Variants in MAPRE2 observed in about 807,000 individuals in gnomAD.
MAPRE2 encodes microtubule-associated protein RP/EB family member 2.
A neutral mutation model predicts 43.2 loss-of-function variants in MAPRE2; 13 were observed. The ratio of observed to expected loss-of-function variants is 0.30; its 90% CI spans 0.20 to 0.48. The LOEUF (loss-of-function observed/expected upper bound fraction) is 0.48. Among genes scored for constraint, MAPRE2 ranks in the 20% least tolerant of loss-of-function variants. The pLI is 0.99. For synonymous variants in MAPRE2, 135 were observed against 148.8 expected (o/e 0.91, Z 0.68); for missense variants, 161 against 400.2 (o/e 0.40, Z 5.10).
rs145266182 is a variant in MAPRE2 at position 35,107,089 on chromosome 18, C to T, written c.610+4930C>T. ...CATACATTCATGTATTTAAATCAAA[C>T]GCCCATATATAAATATAGTGTGATA... On this transcript the variant is annotated intron_variant, in intron 4 of 6. Coordinates refer to ENST00000300249, the MANE Select transcript of MAPRE2 (RefSeq NM_014268.4). Among the ~76,000 whole-genome samples the T allele has an allele frequency of 3.0e-3, 457 of 152,218 alleles. 6 individuals carry two copies. The highest frequency in any genetic ancestry group is 0.022 in the East Asian group (114 of 5,178).
At chr18:34,986,540 C>G (rs892226533) in intron 1 of MAPRE2, among the ~76,000 whole-genome samples, 2 of 152,150 alleles carry the variant, frequency 1.3e-5, no homozygotes, top group Admixed American at 6.6e-5. Flanking sequence ...AGCTTGCCCT[C>G]TATTGTGATT....
intron 2 of MAPRE2, among the ~76,000 whole-genome samples, chr18:35,077,078 A>G (rs1394603993): frequency 6.6e-6 from 1 of 152,242 alleles, no homozygotes; most frequent in East Asian, 1.9e-4. Flanking sequence ...GACTAACAAT[A>G]TATATACTGA....
intron 1 of MAPRE2, among the ~76,000 whole-genome samples, chr18:35,048,665 T>C (rs1905775656): frequency 6.7e-6 from 1 of 149,122 alleles, no homozygotes. Flanking sequence ...TTATAGTATA[T>C]GTATTAATAC....
chr18:34,982,499 G>T (rs111660975), intron 1 of MAPRE2, among the ~76,000 whole-genome samples: 5 of 152,136 alleles, frequency 3.3e-5, no homozygotes, highest in African/African-American at 1.2e-4. Flanking sequence ...TAATTCACCC[G>T]CAACCATCTT....
intron 4 of MAPRE2, among the ~76,000 whole-genome samples, chr18:35,116,927 T>C (rs1909437165): frequency 6.6e-6 from 1 of 152,250 alleles, no homozygotes; most frequent in South Asian, 2.1e-4. Context: ...TTACACTTTA[T>C]AGTAGGGAGT....
At chr18:35,031,316 T>C (rs1403170901) in intron 2 of MAPRE2, among the ~76,000 whole-genome samples, 1 of 152,240 alleles carries the variant, frequency 6.6e-6, no homozygotes, top group East Asian at 1.9e-4. Context: ...AATATTACTA[T>C]CTTAATGAAG....
chr18:34,981,499 G>A (rs2097016190), intron 1 of MAPRE2, among the ~76,000 whole-genome samples: 1 of 152,170 alleles, frequency 6.6e-6, no homozygotes, highest in Admixed American at 6.5e-5. Flanking sequence ...GTAGAAGAAA[G>A]TGTGTCATCT....
intron 1 of MAPRE2, among the ~76,000 whole-genome samples, chr18:34,977,716 C>G (rs1421613249): frequency 6.6e-6 from 1 of 152,194 alleles, no homozygotes; most frequent in African/African-American, 2.4e-5. Flanking sequence ...CAAAAGGAAG[C>G]GGGTTGTTAT....
intron 2 of MAPRE2, among the ~76,000 whole-genome samples, chr18:35,072,477 C>A (rs1034845002): frequency 8.5e-5 from 13 of 152,104 alleles, no homozygotes; most frequent in African/African-American, 3.1e-4. Flanking sequence ...CAGAGAAAAT[C>A]CCCAGGCATG....
rs199771532 is a variant in MAPRE2, at chr18:35,138,341, C to T, written c.910-1954C>T. On this transcript the variant is annotated intron_variant, in intron 6 of 6. Transcript: ENST00000300249. Reference sequence around the variant, plus strand: ...AGAGAGAGCAAGAGATTGGGCCTAACGTTCCAGAAGTGGAGCTAGTTCTAG... The same window carrying T: ...AGAGAGAGCAAGAGATTGGGCCTAATGTTCCAGAAGTGGAGCTAGTTCTAG... 3.3e-5 allele frequency among the ~76,000 whole-genome samples: 5 copies of T among 152,064 alleles called. No individual in the cohort carries two copies. In the East Asian group the frequency reaches 5.8e-4, roughly 18 times the overall value.
Position 35,116,635 on chromosome 18 carries a change from C to T in MAPRE2, c.611-10313C>T, listed in dbSNP as rs151061141. ...CAGTTCCTAGAGGCCACTTGCACCT[C>T]CATGCCTTATGGGCTTTTCCAACAA... On this transcript the variant is annotated intron_variant, in intron 4 of 6. Transcript: ENST00000300249. Among the ~76,000 whole-genome samples the T allele has an allele frequency of 7.5e-3, 1,149 of 152,306 alleles. 7 individuals are homozygous for T. Among genetic ancestry groups the T allele is most frequent in the Non-Finnish European group, 0.013 (893 of 68,028 alleles).
At chr18:35,039,966 C>T (rs1302107767), upstream of MAPRE2, among the ~76,000 whole-genome samples, 1 of 152,162 alleles carries the variant, frequency 6.6e-6, no homozygotes, top group Non-Finnish European at 1.5e-5. Flanking sequence ...AATCCTAGCA[C>T]TTTGGGGCGG....
chr18:35,035,656 T>C (rs1318724992), intron 2 of MAPRE2, among the ~76,000 whole-genome samples: 1 of 151,120 alleles, frequency 6.6e-6, no homozygotes, highest in Non-Finnish European at 1.5e-5. Context: ...AACATATCTC[T>C]TTCCTTATCT....
intron 2 of MAPRE2, among the ~76,000 whole-genome samples, chr18:35,073,585 C>G (rs1440257073): frequency 1.3e-5 from 2 of 152,162 alleles, no homozygotes; most frequent in Admixed American, 6.5e-5. Flanking sequence ...ATTTCTTACT[C>G]TCTTTCCTGA....
chr18:35,112,536 T>C (rs1909224871), intron 4 of MAPRE2, among the ~76,000 whole-genome samples: 2 of 152,186 alleles, frequency 1.3e-5, no homozygotes, highest in Admixed American at 6.6e-5. Flanking sequence ...CCTGTTCATA[T>C]TAAGAAACTA....
At chr18:35,091,008 G>A (rs1244953394) in intron 2 of MAPRE2, among the ~76,000 whole-genome samples, 1 of 152,106 alleles carries the variant, frequency 6.6e-6, no homozygotes, top group Non-Finnish European at 1.5e-5. Context: ...TAGCGAAGGA[G>A]CTGAAAGATT....
intron 2 of MAPRE2, among the ~76,000 whole-genome samples, chr18:35,080,765 A>G (rs993879611): frequency 6.6e-6 from 1 of 152,196 alleles, no homozygotes; most frequent in African/African-American, 2.4e-5. Flanking sequence ...GAAACAGAAT[A>G]ATGAAATTGC....
chr18:35,029,272 C>T (rs747051607), intron 2 of MAPRE2, among the ~76,000 whole-genome samples: 39 of 152,080 alleles, frequency 2.6e-4, no homozygotes, highest in Non-Finnish European at 5.3e-4. Context: ...TGAGGAATTT[C>T]TCTTCCATTA....
At chr18:35,111,109 T>A (rs1228953289) in intron 4 of MAPRE2, among the ~76,000 whole-genome samples, 1 of 152,190 alleles carries the variant, frequency 6.6e-6, no homozygotes, top group Non-Finnish European at 1.5e-5. Context: ...CACAAGTCCC[T>A]GAGGCACAGT....
Sources: allele counts gnomAD v4.1 joint callset (sites outside exome capture counted in the v4.1 genomes callset), GRCh38; gene constraint gnomAD v4.1.1; transcripts MANE v1.5; gene names NCBI Gene and HGNC (gene_info 2026-07-23, HGNC 2026-07-21).